PLPP3: variants seen among roughly 807,000 people sequenced by gnomAD.
PLPP3 encodes phospholipid phosphatase 3.
In PLPP3, 6 loss-of-function variants were observed where a neutral mutation model predicts 29.6. The ratio of observed to expected loss-of-function variants is 0.20; its 90% confidence interval spans 0.11 to 0.40. PLPP3 has a LOEUF of 0.40. Ranked by LOEUF, PLPP3 falls within the 10% of genes least tolerant of loss-of-function variation. The pLI, the probability that PLPP3 is intolerant of heterozygous loss-of-function variation, is 1.00. For synonymous variants in PLPP3, 152 were observed against 159.7 expected (o/e 0.95, Z 0.36); for missense variants, 308 against 407.7 (o/e 0.76, Z 2.11).
In PLPP3 at chr1:56,537,013, C is replaced by T; in HGVS notation, c.239G>A (p.Gly80Asp). 6.2e-7 allele frequency: 1 copy of T among 1,613,788 alleles called. No homozygotes were observed. The highest frequency in any genetic ancestry group is 1.3e-5 in the African/African-American group (1 of 74,952). The change falls in exon 2 of 6, where the codon GGT becomes GAT. Residue 80 changes from glycine (G) to aspartate (D), a missense_variant. Gly to Asp is a moderately conservative substitution (Grantham distance 94). Around this residue, in one of 3 missense-constraint regions of PLPP3, gnomAD observed 232 missense variants for 317.2 expected, o/e 0.73. Coordinates refer to ENST00000371250, the MANE Select transcript of PLPP3 (RefSeq NM_003713.5). ...DESIKYPLKT[G>D]ETINDAVLCA... The stretch of plus-strand genomic sequence containing the variant: ...GAGCACAGCGTCATTTATTGTCTCA[C>T]CAGTTTTCAGTGGGTACTTGATGCT...
chr1:56,554,186 T>C lies in PLPP3; in HGVS notation c.140-17074A>G, dbSNP rs58372908. ...TAAAGCTTAGATCTACCTTTTTTTT[T>C]AGTCCTGTGACATTAAGCAGGCTGC... is the stretch of plus-strand genomic sequence containing the variant. On this transcript the variant is annotated intron_variant, in intron 1 of 5. Transcript: ENST00000371250. 4.1e-3 allele frequency among the ~76,000 whole-genome samples: 626 copies of C among 152,228 alleles called. 2 individuals are homozygous for C. Among genetic ancestry groups the C allele is most frequent in the African/African-American group, 0.014 (594 of 41,526 alleles).
chr1:56,499,671 T>C (rs1645653499), intron 5 of PLPP3, among the ~76,000 whole-genome samples: 3 of 152,230 alleles, frequency 2.0e-5, no homozygotes. Context: ...CTTTAAGCTG[T>C]ATTTCACTTT....
intron 4 of PLPP3, among the ~76,000 whole-genome samples, chr1:56,518,507 G>C (rs1645797304): frequency 6.6e-6 from 1 of 152,102 alleles, no homozygotes. Flanking sequence ...TCAAGTCCGT[G>C]ATGAGGAGAC....
At chr1:56,578,786 G>A (rs1646255815) in intron 1 of PLPP3, 92 bp downstream of exon 1, 2 of 1,239,002 alleles carry the variant, frequency 1.6e-6, no homozygotes, top group African/African-American at 1.7e-5. Flanking sequence ...ACGGCGCGGC[G>A]CGGCGCGGCG....
intron 5 of PLPP3, among the ~76,000 whole-genome samples, chr1:56,499,396 C>G (rs1645651517): frequency 6.6e-6 from 1 of 152,148 alleles, no homozygotes; most frequent in Non-Finnish European, 1.5e-5. Context: ...AGATGGGAGG[C>G]TTCTTGAAGA....
At chr1:56,572,760 C>T (rs1646208084) in intron 1 of PLPP3, among the ~76,000 whole-genome samples, 1 of 152,060 alleles carries the variant, frequency 6.6e-6, no homozygotes, top group East Asian at 1.9e-4. Context: ...AATGAAAATT[C>T]GACTCTATGA....
chr1:56,541,533 C>T (rs993119312), intron 1 of PLPP3, among the ~76,000 whole-genome samples: 5 of 152,066 alleles, frequency 3.3e-5, no homozygotes, highest in Admixed American at 1.3e-4. Flanking sequence ...GGCTACGTTC[C>T]AACCTTCAAG....
chr1:56,499,992 C>T (rs9970807), intron 5 of PLPP3, among the ~76,000 whole-genome samples: 16,981 of 152,220 alleles, frequency 0.11, 1,022 homozygotes, highest in African/African-American at 0.17. Flanking sequence ...AAAGGACACA[C>T]TGGACAATAA....
intron 4 of PLPP3, among the ~76,000 whole-genome samples, chr1:56,515,402 G>A (rs1457962695): frequency 6.6e-6 from 1 of 152,122 alleles, no homozygotes; most frequent in South Asian, 2.1e-4. Context: ...GGAAATCAAG[G>A]GTGGGGCAGA....
intron 4 of PLPP3, chr1:56,517,055 G>C (rs1645786161): frequency 6.6e-6 from 1 of 152,216 alleles, no homozygotes; most frequent in Non-Finnish European, 1.5e-5. Flanking sequence ...TTCTTGCTAA[G>C]TCATTTGTGT....
chr1:56,534,663 G>A (rs890075300), intron 2 of PLPP3, among the ~76,000 whole-genome samples: 3 of 152,082 alleles, frequency 2.0e-5, no homozygotes, highest in Admixed American at 6.5e-5. Flanking sequence ...CGACGTCATC[G>A]TTGTTGTTGT....
intron 5 of PLPP3, among the ~76,000 whole-genome samples, chr1:56,508,891 C>T (rs1236907129): frequency 6.6e-6 from 1 of 152,178 alleles, no homozygotes; most frequent in African/African-American, 2.4e-5. Flanking sequence ...GCTTCTGTCT[C>T]CCTCACAATC....
intron 1 of PLPP3, among the ~76,000 whole-genome samples, chr1:56,575,402 AC>A (rs1646228968): frequency 6.6e-6 from 1 of 152,210 alleles, no homozygotes; most frequent in Non-Finnish European, 1.5e-5. Context: ...TTTTAGCTCA[AC>A]CATTTAGTTG....
intron 1 of PLPP3, among the ~76,000 whole-genome samples, chr1:56,568,156 G>C (rs1003015992): frequency 6.6e-6 from 1 of 152,114 alleles, no homozygotes; most frequent in Non-Finnish European, 1.5e-5. Flanking sequence ...GAAAAATGGG[G>C]AGTGACTGGT....
chr1:56,533,973 C>T (rs963809308), intron 2 of PLPP3, among the ~76,000 whole-genome samples: 2 of 152,120 alleles, frequency 1.3e-5, no homozygotes, highest in East Asian at 1.9e-4. Context: ...GAGATTCATC[C>T]GTGACTCAAC....
chr1:56,516,781 A>T (rs1363396384), intron 4 of PLPP3: 4 of 52,776 alleles, frequency 7.6e-5, no homozygotes, highest in Non-Finnish European at 1.2e-4. Context: ...TCCGTTGCTA[A>T]AAAAAAAAAA....
intron 1 of PLPP3, among the ~76,000 whole-genome samples, chr1:56,557,074 GAAA>G (rs1223346338): frequency 7.5e-6 from 1 of 132,820 alleles, no homozygotes. Context: ...AAGAAAGAAA[GAAA>G]AAATGAGAGA....
chr1:56,579,154 C>G lies in PLPP3; in HGVS notation c.-138G>C, dbSNP rs1646259600. On this transcript the variant is annotated 5_prime_UTR_variant, in exon 1 of 6. Coordinates refer to ENST00000371250, the MANE Select transcript of PLPP3 (RefSeq NM_003713.5). ...TCGGCCCCGGCTCCGGGCGCGGCGG[C>G]TAGAGTGCAGCCGGGGCTGCCTGCC... 8.4e-7 allele frequency: 1 copy of G among 1,191,110 alleles called. No individual in the cohort carries two copies. Among genetic ancestry groups the G allele is most frequent in the Admixed American group, 3.3e-5 (1 of 30,532 alleles). The allele number at this position is 1,191,110 out of a possible 1,614,324, so 73.8% of individuals were successfully genotyped here. A position where few individuals can be genotyped will look rare whatever the true frequency, so the allele number is the denominator to read the frequency against.
intron 1 of PLPP3, among the ~76,000 whole-genome samples, chr1:56,569,034 C>T (rs548642961): frequency 7.9e-5 from 12 of 152,190 alleles, no homozygotes; most frequent in African/African-American, 2.2e-4. Flanking sequence ...CATTTGCCTA[C>T]CCTCAAATCC....
Sources: allele counts gnomAD v4.1 joint callset (sites outside exome capture counted in the v4.1 genomes callset), GRCh38; gene constraint gnomAD v4.1.1; regional missense constraint gnomAD v4.1.1; transcripts MANE v1.5; gene names NCBI Gene and HGNC (gene_info 2026-07-23, HGNC 2026-07-21).